The following DOCK3 variants were observed in gnomAD, a reference collection of about 807,000 sequenced individuals.
DOCK3 encodes the protein dedicator of cytokinesis 3, also known as dedicator of cytokinesis protein 3.
Under a neutral mutation model 265.6 loss-of-function variants are expected in DOCK3, and 60 were observed. That is an observed-to-expected ratio of 0.23 (90% CI 0.18 to 0.28). DOCK3 has a LOEUF of 0.28. Among genes scored for constraint, DOCK3 ranks in the 10% least tolerant of loss-of-function variants. The pLI is 1.00. For missense variants in DOCK3, 1,981 were observed against 2,594.3 expected (o/e 0.76, Z 5.14); for synonymous variants, 881 against 938.0 (o/e 0.94, Z 1.11).
intron 12 of DOCK3, among the ~76,000 whole-genome samples, chr3:51,180,162 C>G (rs2107716600): frequency 1.4e-5 from 2 of 145,376 alleles, no homozygotes; most frequent in South Asian, 4.4e-4. Flanking sequence ...GAGCCGAGAT[C>G]ACGCCACTGT....
At chr3:50,778,403 G>C (rs549420267) in intron 1 of DOCK3, among the ~76,000 whole-genome samples, 1 of 152,276 alleles carries the variant, frequency 6.6e-6, no homozygotes, top group East Asian at 1.9e-4. Flanking sequence ...CCAAGGGACA[G>C]AGACTCTGTT....
chr3:51,244,494 G>T (rs1233325744), intron 21 of DOCK3, among the ~76,000 whole-genome samples: 2 of 151,876 alleles, frequency 1.3e-5, no homozygotes, highest in Non-Finnish European at 2.9e-5. Flanking sequence ...TTCATTTTTA[G>T]CATATAGAAA....
intron 1 of DOCK3, among the ~76,000 whole-genome samples, chr3:50,772,440 TAA>T (rs573899226): frequency 2.2e-3 from 328 of 152,274 alleles, no homozygotes; most frequent in Admixed American, 4.4e-3. Flanking sequence ...TAAAATTACT[TAA>T]AGAGTGTAAT....
At chr3:51,216,392 AG>A (rs925937973) in intron 14 of DOCK3, among the ~76,000 whole-genome samples, 2 of 152,188 alleles carry the variant, frequency 1.3e-5, no homozygotes, top group Non-Finnish European at 2.9e-5. Flanking sequence ...GCTGAGGTTA[AG>A]GGGGTTTTCC....
At chr3:51,237,200 TC>T (rs1171224949) in intron 20 of DOCK3, among the ~76,000 whole-genome samples, 1 of 152,176 alleles carries the variant, frequency 6.6e-6, no homozygotes, top group Non-Finnish European at 1.5e-5. Context: ...GTTTTGCCTT[TC>T]CCTGATCTGT....
At chr3:50,742,282 A>C (rs913584047) in intron 1 of DOCK3, among the ~76,000 whole-genome samples, 3 of 152,224 alleles carry the variant, frequency 2.0e-5, no homozygotes, top group Non-Finnish European at 4.4e-5. Flanking sequence ...TCTAAAAAGC[A>C]GAGCGCCTCT....
intron 1 of DOCK3, among the ~76,000 whole-genome samples, chr3:50,764,041 C>G (rs1190915090): frequency 2.0e-5 from 3 of 152,174 alleles, no homozygotes; most frequent in African/African-American, 7.2e-5. Context: ...GTACGACTAG[C>G]TAATGACCTA....
intron 1 of DOCK3, among the ~76,000 whole-genome samples, chr3:50,730,501 C>G (rs2038130451): frequency 6.6e-6 from 1 of 152,118 alleles, no homozygotes; most frequent in African/African-American, 2.4e-5. Flanking sequence ...ATTTATTAAG[C>G]CAGCATAACC....
At chr3:51,214,041 T>C in intron 13 of DOCK3, 81 bp from the exon 14 acceptor site, 1 of 1,578,012 alleles carries the variant, frequency 6.3e-7, no homozygotes, top group South Asian at 1.2e-5. Context: ...CATTTTCTTC[T>C]GGAAAATGTG....
chr3:51,316,969 A>G (rs2083403223), intron 32 of DOCK3, among the ~76,000 whole-genome samples: 1 of 152,146 alleles, frequency 6.6e-6, no homozygotes, highest in Admixed American at 6.5e-5. Context: ...TATGAAGTCC[A>G]GTTTGTCAAT....
chr3:51,270,668 G>T, intron 23 of DOCK3, 147 bp from the exon 24 acceptor site: 1 of 748,666 alleles, frequency 1.3e-6, no homozygotes. Context: ...CCTGAGTGCT[G>T]TAGTCAGTGG....
intron 23 of DOCK3, among the ~76,000 whole-genome samples, chr3:51,265,434 T>C (rs6782946): frequency 0.91 from 138,817 of 152,206 alleles, 63,450 homozygotes; most frequent in African/African-American, 0.96. Flanking sequence ...TGATGAACAT[T>C]GATGCGAAAA....
intron 2 of DOCK3, among the ~76,000 whole-genome samples, chr3:50,803,343 T>C (rs2043171786): frequency 6.6e-6 from 1 of 152,212 alleles, no homozygotes; most frequent in South Asian, 2.1e-4. Context: ...TTAATCCATT[T>C]AAACCTGAGT....
At chr3:50,714,651 A>G (rs969991859) in intron 1 of DOCK3, among the ~76,000 whole-genome samples, 17 of 152,044 alleles carry the variant, frequency 1.1e-4, no homozygotes, top group Admixed American at 2.0e-4. Context: ...GAGTCTCACT[A>G]TGTTGCCCAG....
At chr3:51,187,387 C>T (rs889316620) in intron 12 of DOCK3, among the ~76,000 whole-genome samples, 8 of 152,212 alleles carry the variant, frequency 5.3e-5, no homozygotes, top group African/African-American at 1.9e-4. Context: ...AAGTGACTAA[C>T]TTGCTTGTGA....
chr3:51,162,642 T>C (rs2086194549), intron 12 of DOCK3, among the ~76,000 whole-genome samples: 1 of 152,226 alleles, frequency 6.6e-6, no homozygotes, highest in Non-Finnish European at 1.5e-5. Flanking sequence ...TGTTATCTCT[T>C]TGCATGTATT....
chr3:51,332,567 T>C (rs530583044), intron 33 of DOCK3, among the ~76,000 whole-genome samples: 7 of 152,300 alleles, frequency 4.6e-5, no homozygotes, highest in Non-Finnish European at 7.3e-5. Flanking sequence ...AAGCTGGGTA[T>C]GGTGGCTCAT....
intron 20 of DOCK3, among the ~76,000 whole-genome samples, chr3:51,237,023 A>G (rs1324939090): frequency 6.6e-6 from 1 of 152,102 alleles, no homozygotes; most frequent in Non-Finnish European, 1.5e-5. Flanking sequence ...GTACTTGCAT[A>G]GTTTGCCCCT....
At chr3:51,339,283 C>T (rs187174114) in intron 37 of DOCK3, among the ~76,000 whole-genome samples, 137 of 152,290 alleles carry the variant, frequency 9.0e-4, no homozygotes, top group South Asian at 3.5e-3. Flanking sequence ...TTCTTCCCTC[C>T]TATCCACCCC....
Sources: gnomAD v4.1 joint callset for allele counts (sites outside exome capture counted in the v4.1 genomes callset) on GRCh38, gnomAD v4.1.1 for gene constraint, MANE v1.5 for transcripts, NCBI Gene and HGNC (gene_info 2026-07-23, HGNC 2026-07-21) for gene names.